RARB: variants seen among roughly 807,000 people sequenced by gnomAD.
The protein encoded by RARB is retinoic acid receptor beta, also known as HBV-activated protein.
A neutral mutation model predicts 51.9 loss-of-function variants in RARB; 17 were observed. The ratio of observed to expected loss-of-function variants is 0.33; its 90% CI spans 0.22 to 0.49. The LOEUF is 0.49. Among genes scored for constraint, RARB ranks in the 20% least tolerant of loss-of-function variants. The pLI is 0.99. For missense variants in RARB, 369 were observed against 550.8 expected (o/e 0.67, Z 3.30); for synonymous variants, 215 against 195.4 (o/e 1.10, Z -0.84).
intron 2 of RARB, among the ~76,000 whole-genome samples, chr3:24,922,066 G>A (rs936483192): frequency 2.0e-5 from 3 of 152,158 alleles, no homozygotes; most frequent in Non-Finnish European, 4.4e-5. Context: ...ATTTTGCTAA[G>A]GTGTCATTTC....
chr3:25,444,222 G>C (rs1708829872), intron 1 of RARB, among the ~76,000 whole-genome samples: 1 of 152,136 alleles, frequency 6.6e-6, no homozygotes, highest in African/African-American at 2.4e-5. Flanking sequence ...TACCTACCTT[G>C]AATCTCCCGA....
intron 4 of RARB, among the ~76,000 whole-genome samples, chr3:25,150,156 G>A (rs1017946780): frequency 2.6e-5 from 4 of 151,142 alleles, no homozygotes; most frequent in East Asian, 2.0e-4. Context: ...AGCCGAGATC[G>A]CATCACTGCA....
chr3:25,080,720 AT>A (rs1003970554), intron 3 of RARB, among the ~76,000 whole-genome samples: 3 of 152,114 alleles, frequency 2.0e-5, no homozygotes, highest in African/African-American at 7.2e-5. Flanking sequence ...CTTTGGAGAA[AT>A]CTATATTTAA....
intron 1 of RARB, among the ~76,000 whole-genome samples, chr3:24,849,208 T>C (rs1371895817): frequency 6.6e-6 from 1 of 152,186 alleles, no homozygotes; most frequent in East Asian, 1.9e-4. Context: ...AACAATATAC[T>C]GTAAAAAAAA....
At chr3:25,251,215 T>C (rs2125401858) in intron 5 of RARB, among the ~76,000 whole-genome samples, 1 of 152,186 alleles carries the variant, frequency 6.6e-6, no homozygotes, top group Admixed American at 6.5e-5. Context: ...CTTCATTCAT[T>C]TTATTATAAT....
chr3:25,591,256 G>C (rs1333165256), intron 5 of RARB, among the ~76,000 whole-genome samples: 2 of 152,176 alleles, frequency 1.3e-5, no homozygotes, highest in African/African-American at 4.8e-5. Context: ...TTGAGGACAT[G>C]TCCTGATTTA....
At chr3:25,374,199 A>G (rs534063368) in intron 5 of RARB, among the ~76,000 whole-genome samples, 76 of 152,240 alleles carry the variant, frequency 5.0e-4, no homozygotes, top group Non-Finnish European at 9.9e-4. Context: ...GAGCACAGTA[A>G]CACACGCAAA....
At chr3:25,226,000 T>A (rs1702047153) in intron 5 of RARB, among the ~76,000 whole-genome samples, 1 of 152,122 alleles carries the variant, frequency 6.6e-6, no homozygotes, top group Admixed American at 6.5e-5. Flanking sequence ...GATTGTTAAA[T>A]CTCTTGCAGT....
At chr3:25,142,448 T>A (rs1389408935) in intron 4 of RARB, among the ~76,000 whole-genome samples, 1 of 152,182 alleles carries the variant, frequency 6.6e-6, no homozygotes, top group East Asian at 1.9e-4. Flanking sequence ...GTTTGAGAAG[T>A]CCTGCCGGAT....
chr3:24,861,351 C>T (rs1702744277), intron 2 of RARB, among the ~76,000 whole-genome samples: 1 of 152,074 alleles, frequency 6.6e-6, no homozygotes, highest in African/African-American at 2.4e-5. Context: ...AGCCCTGAAT[C>T]AGTCCTCTAT....
intron 2 of RARB, among the ~76,000 whole-genome samples, chr3:24,874,642 T>G (rs1030641808): frequency 6.6e-6 from 1 of 152,152 alleles, no homozygotes; most frequent in Admixed American, 6.5e-5. Context: ...CTCATTTCTT[T>G]TTCTATTTTC....
At chr3:25,391,654 T>C (rs1353005669) in intron 5 of RARB, among the ~76,000 whole-genome samples, 1 of 152,200 alleles carries the variant, frequency 6.6e-6, no homozygotes, top group African/African-American at 2.4e-5. Context: ...ATGTGGGGCA[T>C]TTTTTCATAT....
At chr3:25,455,217 AT>A (rs879544212) in intron 1 of RARB, among the ~76,000 whole-genome samples, 2 of 152,028 alleles carry the variant, frequency 1.3e-5, no homozygotes, top group African/African-American at 2.4e-5. Flanking sequence ...ATTAAATCTA[AT>A]TTTTTTTAAA....
intron 2 of RARB, among the ~76,000 whole-genome samples, chr3:24,914,959 C>G (rs13324296): frequency 0.085 from 12,883 of 152,218 alleles, 1,236 homozygotes; most frequent in African/African-American, 0.23. Context: ...AATACCTTGA[C>G]TTTGCAGGAT....
At chr3:24,875,332 T>C (rs1308079670) in intron 2 of RARB, among the ~76,000 whole-genome samples, 1 of 152,170 alleles carries the variant, frequency 6.6e-6, no homozygotes, top group Non-Finnish European at 1.5e-5. Flanking sequence ...CATCTATAGA[T>C]GATCTGATGT....
At chr3:24,933,653 A>C (rs1028588167) in intron 2 of RARB, among the ~76,000 whole-genome samples, 2 of 152,114 alleles carry the variant, frequency 1.3e-5, no homozygotes, top group Non-Finnish European at 2.9e-5. Context: ...CACTCAGAGA[A>C]AGAAACAATT....
intron 1 of RARB, among the ~76,000 whole-genome samples, chr3:24,836,376 AGT>A (rs1702345765): frequency 6.6e-6 from 1 of 152,162 alleles, no homozygotes; most frequent in South Asian, 2.1e-4. Context: ...TTTCTAGCAA[AGT>A]TTGTTCAAGA....
chr3:25,338,924 C>A (rs548870509), intron 5 of RARB, among the ~76,000 whole-genome samples: 1 of 152,076 alleles, frequency 6.6e-6, no homozygotes, highest in Non-Finnish European at 1.5e-5. Flanking sequence ...CCTTCAAAAT[C>A]GGGTCTCTGA....
chr3:25,066,271 C>G (rs566661937), intron 3 of RARB, among the ~76,000 whole-genome samples: 12 of 152,016 alleles, frequency 7.9e-5, no homozygotes, highest in Non-Finnish European at 1.5e-4. Flanking sequence ...ATTTTGATGA[C>G]TTGAATTGGT....
Sources: gnomAD v4.1 joint callset for allele counts (sites outside exome capture counted in the v4.1 genomes callset) on GRCh38, gnomAD v4.1.1 for gene constraint, MANE v1.5 for transcripts, NCBI Gene and HGNC (gene_info 2026-07-23, HGNC 2026-07-21) for gene names.